DLG2: variants seen among roughly 807,000 people sequenced by gnomAD.
The protein encoded by DLG2 is disks large homolog 2.
In DLG2, 45 loss-of-function variants were observed where a neutral mutation model predicts 132.5. The observed-to-expected ratio is 0.34, with a 90% confidence interval of 0.27 to 0.44. DLG2 has a LOEUF of 0.44. Ranked by LOEUF, DLG2 falls within the 20% of genes least tolerant of loss-of-function variation. The pLI, the probability that DLG2 is intolerant of heterozygous loss-of-function variation, is 1.00. For missense variants in DLG2, 1,045 were observed against 1,196.9 expected (o/e 0.87, Z 1.87); for synonymous variants, 424 against 419.6 (o/e 1.01, Z -0.13).
intron 18 of DLG2, among the ~76,000 whole-genome samples, chr11:83,707,408 G>A (rs1357956841): frequency 6.6e-6 from 1 of 152,174 alleles, no homozygotes; most frequent in Non-Finnish European, 1.5e-5. Flanking sequence ...AGTGGCTTAC[G>A]CCTATAATCC....
intron 6 of DLG2, among the ~76,000 whole-genome samples, chr11:84,622,773 T>C (rs2099616121): frequency 6.6e-6 from 1 of 152,132 alleles, no homozygotes. Context: ...AGCTTAGAAT[T>C]GAAGGATCAA....
chr11:84,058,653 C>T (rs2096543781), intron 11 of DLG2, among the ~76,000 whole-genome samples: 2 of 151,334 alleles, frequency 1.3e-5, no homozygotes, highest in South Asian at 4.2e-4. Context: ...TGCCACTGCA[C>T]TCTAGCCTGG....
rs946350097 is a variant in DLG2 at position 84,149,448 on chromosome 11, T to A, written c.624+14013A>T. On this transcript the variant is annotated intron_variant, in intron 9 of 27. Coordinates refer to ENST00000376104, the MANE Select transcript of DLG2 (RefSeq NM_001142699.3). ...TCTTCTACATATGAATAGCCAGTTA[T>A]CCCAGCACCATTAATTGAATAGGGA... Among the ~76,000 whole-genome samples the A allele has an allele frequency of 7.9e-5, 12 of 152,120 alleles. No individual in the cohort carries two copies. The South Asian group carries it at 2.5e-3, about 32-fold the overall frequency.
intron 3 of DLG2, among the ~76,000 whole-genome samples, chr11:85,442,349 G>A (rs1158631358): frequency 1.3e-5 from 2 of 152,180 alleles, no homozygotes; most frequent in African/African-American, 2.4e-5. Context: ...GCTTGGACTA[G>A]AGCAGTAGCA....
In DLG2 at chr11:84,977,980, TGAGGA is replaced by T. The variant is rs200470175; in HGVS notation, c.357+133676_357+133680del. Among the ~76,000 whole-genome samples the T allele has an allele frequency of 3.3e-5, 5 of 152,162 alleles. No individual in the cohort carries two copies. The East Asian group carries it at 9.6e-4, about 29-fold the overall frequency. On this transcript the variant is annotated intron_variant, in intron 6 of 27. Coordinates refer to ENST00000376104, the MANE Select transcript of DLG2 (RefSeq NM_001142699.3). ...TTCATCCAAACCTTGAGTCTGGCCT[TGAGGA>T]GAGAAGAAATTTATCTGTATTCTTT...
chr11:83,986,675 G>C (rs9705124), intron 11 of DLG2, among the ~76,000 whole-genome samples: 1 of 151,146 alleles, frequency 6.6e-6, no homozygotes, highest in Admixed American at 6.6e-5. Context: ...CACTCCCACC[G>C]ACAGTGTAAA....
chr11:84,453,903 T>C (rs2099058353), intron 7 of DLG2, among the ~76,000 whole-genome samples: 1 of 151,660 alleles, frequency 6.6e-6, no homozygotes, highest in Non-Finnish European at 1.5e-5. Flanking sequence ...ATGTTGAGGA[T>C]CAGAAGCCGT....
intron 3 of DLG2, among the ~76,000 whole-genome samples, chr11:85,401,834 T>C (rs1232519447): frequency 6.6e-6 from 1 of 151,884 alleles, no homozygotes. Flanking sequence ...CTCAATGAAA[T>C]AAAAGAGGAC....
intron 12 of DLG2, among the ~76,000 whole-genome samples, chr11:83,974,468 T>C (rs199538893): frequency 0.12 from 10 of 84 alleles, no homozygotes; most frequent in African/African-American, 0.5. Flanking sequence ...AGGTGTTTTG[T>C]TAAGTATTAC....
intron 7 of DLG2, among the ~76,000 whole-genome samples, chr11:84,286,197 T>A (rs1267251183): frequency 6.6e-6 from 1 of 152,212 alleles, no homozygotes. Flanking sequence ...TTGTAGTCCA[T>A]GCACAGAAAT....
intron 7 of DLG2, among the ~76,000 whole-genome samples, chr11:84,410,079 G>A (rs2098891328): frequency 6.6e-6 from 1 of 152,200 alleles, no homozygotes; most frequent in South Asian, 2.1e-4. Context: ...GGCAAGAAGA[G>A]CTAATTACTG....
At chr11:84,912,753 C>CT (rs145573706) in intron 6 of DLG2, among the ~76,000 whole-genome samples, 8,813 of 152,284 alleles carry the variant, frequency 0.058, 441 homozygotes, top group Non-Finnish European at 0.08. Context: ...TTGATTCTGG[C>CT]TGTGTGGACT....
Position 84,756,667 on chromosome 11 carries a change from G to A in DLG2, c.358-221936C>T, listed in dbSNP as rs551102525. On this transcript the variant is annotated intron_variant, in intron 6 of 27. Transcript: ENST00000376104. ...TAACAGTTACTATTTTTCTTTCCTC[G>A]TCTCTGAGTAAACCAAGCTTGTCCA... is the stretch of plus-strand genomic sequence containing the variant. 2.1e-4 allele frequency among the ~76,000 whole-genome samples: 32 copies of A among 152,084 alleles called. No homozygotes were observed. The South Asian group carries it at 3.7e-3, about 18-fold the overall frequency.
In DLG2 at chr11:84,518,155, T is replaced by C. The variant is rs2099279355; in HGVS notation, c.519+16415A>G. On this transcript the variant is annotated intron_variant, in intron 7 of 27. Transcript: ENST00000376104. ...TTAGACTTCAGCTGAGCAAAACTATTAGTGGCCAACGTAACAACTGGTCCC... is the reference window on the plus strand; with the variant it reads ...TTAGACTTCAGCTGAGCAAAACTATCAGTGGCCAACGTAACAACTGGTCCC... 2.2e-5 allele frequency among the ~76,000 whole-genome samples: 2 copies of C among 91,502 alleles called. 1 individual carries two copies. Among genetic ancestry groups the C allele is most frequent in the Admixed American group, 1.9e-4 (2 of 10,742 alleles). 60.0% of individuals were successfully genotyped at this position (91,502 alleles called of 152,430 possible).
At chr11:85,134,288 G>A (rs1272644218) in intron 5 of DLG2, among the ~76,000 whole-genome samples, 1 of 149,160 alleles carries the variant, frequency 6.7e-6, no homozygotes, top group Non-Finnish European at 1.5e-5. Context: ...ATACTTTCTT[G>A]GGAGGCCGAG....
intron 7 of DLG2, among the ~76,000 whole-genome samples, chr11:84,506,792 G>A (rs1459452496): frequency 6.6e-6 from 1 of 152,146 alleles, no homozygotes. Flanking sequence ...AAAAAAAGAA[G>A]AGGAAAATGT....
intron 3 of DLG2, among the ~76,000 whole-genome samples, chr11:85,594,347 C>T (rs1452986564): frequency 6.6e-6 from 1 of 152,154 alleles, no homozygotes; most frequent in Non-Finnish European, 1.5e-5. Context: ...CAAAGTCTAA[C>T]ATGTAAGGTT....
chr11:83,833,514 T>C (rs1318047245), intron 17 of DLG2, 100 bp downstream of exon 17: 3 of 1,311,220 alleles, frequency 2.3e-6, no homozygotes, highest in Non-Finnish European at 3.1e-6. Context: ...TCCACTTTCC[T>C]TTGTAATTAA....
chr11:85,312,802 A>G (rs1033277569), intron 3 of DLG2, among the ~76,000 whole-genome samples: 1 of 152,014 alleles, frequency 6.6e-6, no homozygotes, highest in African/African-American at 2.4e-5. Context: ...CTTGTTTTCC[A>G]TAGAGCAAGC....
Sources: allele counts gnomAD v4.1 joint callset (sites outside exome capture counted in the v4.1 genomes callset), GRCh38; gene constraint gnomAD v4.1.1; transcripts MANE v1.5; gene names NCBI Gene and HGNC (gene_info 2026-07-23, HGNC 2026-07-21).